SUDS3: variants seen among roughly 807,000 people sequenced by gnomAD.
SUDS3 encodes sin3 histone deacetylase corepressor complex component SDS3.
SUDS3 carries 23 observed loss-of-function variants against 53.5 expected under a neutral mutation model. The ratio of observed to expected loss-of-function variants is 0.43; its 90% CI spans 0.31 to 0.61. SUDS3 has a LOEUF of 0.61. Ranked by LOEUF, SUDS3 falls within the 20% of genes least tolerant of loss-of-function variation. The probability of loss-of-function intolerance (pLI) is 0.10; values close to 1 mark genes in which losing one functional copy is unlikely to be tolerated. For synonymous variants in SUDS3, 150 were observed against 148.5 expected (o/e 1.01, Z -0.08); for missense variants, 291 against 405.9 (o/e 0.72, Z 2.43).
At chr12:118,381,477 G>C (rs183577337) in intron 2 of SUDS3, among the ~76,000 whole-genome samples, 1 of 152,086 alleles carries the variant, frequency 6.6e-6, no homozygotes, top group East Asian at 1.9e-4. Context: ...CTGCCTCCTG[G>C]GCTCAAGCAA....
intron 2 of SUDS3, among the ~76,000 whole-genome samples, chr12:118,382,130 C>G (rs1479255418): frequency 1.3e-5 from 2 of 152,048 alleles, no homozygotes; most frequent in Non-Finnish European, 2.9e-5. Context: ...ACCTCCACCT[C>G]CTGAGTTCGA....
chr12:118,391,510 C>A (rs1355907043), intron 6 of SUDS3, among the ~76,000 whole-genome samples: 1 of 152,188 alleles, frequency 6.6e-6, no homozygotes, highest in African/African-American at 2.4e-5. Flanking sequence ...TACCCTCTCA[C>A]AGGATTGTGG....
chr12:118,378,277 A>G (rs1244897707), intron 1 of SUDS3, among the ~76,000 whole-genome samples: 1 of 152,106 alleles, frequency 6.6e-6, no homozygotes, highest in East Asian at 1.9e-4. Context: ...TTTGTGTCAG[A>G]TTCCCCTTTT....
rs988586329 is a variant in SUDS3 at position 118,400,662 on chromosome 12, C to G, written c.521C>G (p.Ser174Cys). 4.3e-6 allele frequency: 7 copies of G among 1,613,880 alleles called. No individual in the cohort carries two copies. The highest frequency in any genetic ancestry group is 5.9e-6 in the Non-Finnish European group (7 of 1,179,812). ...ACCCATTCCATTCTTGCCACAGATT[C>G]TATGGAGGTGAAACCTATCATGACC... ...EKLTMELTGD[S>C]MEVKPIMTRK... Residue 174 changes from serine to cysteine, a missense_variant, in exon 7 of 12, where the codon TCT (serine) becomes TGT (cysteine). This residue lies in a region of SUDS3 where 55 missense variants were observed against 124.2 expected (regional missense o/e 0.44). Transcript: ENST00000543473.
Position 118,401,834 on chromosome 12 carries a change from T to C in SUDS3, c.675+14T>C. ...ACATTAAATAAGGTACGGTTTGACT[T>C]TTTTGATTTATTTGAAAACTCAGGC... is the stretch of plus-strand genomic sequence containing the variant. On this transcript the variant is annotated intron_variant, in intron 8 of 11. Transcript: ENST00000543473. 2 of 1,613,064 alleles carry C rather than the reference T, an allele frequency of 1.2e-6. No homozygotes were observed. The highest frequency in any genetic ancestry group is 1.7e-6 in the Non-Finnish European group (2 of 1,179,204).
chr12:118,411,033 G>A (rs1438775838), intron 10 of SUDS3, 40 bp from the exon 11 acceptor site: 4 of 1,535,006 alleles, frequency 2.6e-6, no homozygotes, highest in African/African-American at 1.4e-5. Context: ...TCCTGTCTCT[G>A]TCCCTCCCTT....
chr12:118,378,072 T>G (rs771965091), intron 1 of SUDS3, among the ~76,000 whole-genome samples: 5 of 152,222 alleles, frequency 3.3e-5, no homozygotes, highest in Non-Finnish European at 7.3e-5. Flanking sequence ...GCACTTCATC[T>G]CATACCCACG....
intron 4 of SUDS3, among the ~76,000 whole-genome samples, chr12:118,388,768 GC>G (rs1229513501): frequency 6.6e-6 from 1 of 152,172 alleles, no homozygotes; most frequent in Non-Finnish European, 1.5e-5. Flanking sequence ...TGACAGTGAA[GC>G]CCCAGGTGTC....
intron 10 of SUDS3, among the ~76,000 whole-genome samples, chr12:118,409,235 C>T (rs1335871854): frequency 1.3e-5 from 2 of 151,884 alleles, no homozygotes; most frequent in Admixed American, 6.6e-5. Flanking sequence ...GCAAGCTCCG[C>T]CTCCGGGGTC....
intron 10 of SUDS3, among the ~76,000 whole-genome samples, chr12:118,408,335 GTTT>G (rs1007287804): frequency 7.7e-6 from 1 of 130,092 alleles, no homozygotes; most frequent in Admixed American, 7.7e-5. Flanking sequence ...TACCTGGCCA[GTTT>G]TTTTTTTTTT....
chr12:118,407,809 C>T (rs1406769029), intron 10 of SUDS3, among the ~76,000 whole-genome samples: 2 of 151,722 alleles, frequency 1.3e-5, no homozygotes, highest in Non-Finnish European at 2.9e-5. Context: ...GACTCCGCCT[C>T]CCAGGTTCAA....
At chr12:118,402,193 C>G (rs1014643739) in intron 9 of SUDS3, 189 bp downstream of exon 9, 1 of 586,372 alleles carries the variant, frequency 1.7e-6, no homozygotes, top group Non-Finnish European at 3.0e-6. Flanking sequence ...TTTTTCATAA[C>G]CCCTGCTTTG....
chr12:118,406,127 AATG>A (rs1369724849), intron 10 of SUDS3, among the ~76,000 whole-genome samples: 2 of 152,210 alleles, frequency 1.3e-5, no homozygotes, highest in African/African-American at 4.8e-5. Flanking sequence ...GATTTGGACT[AATG>A]ATCTCTCAAA....
intron 7 of SUDS3, among the ~76,000 whole-genome samples, chr12:118,400,966 T>C (rs1230035789): frequency 6.6e-6 from 1 of 152,180 alleles, no homozygotes; most frequent in African/African-American, 2.4e-5. Context: ...GGGAGAGATG[T>C]ATAGAGTTGT....
intron 4 of SUDS3, among the ~76,000 whole-genome samples, chr12:118,389,239 C>G (rs190363054): frequency 6.6e-6 from 1 of 152,140 alleles, no homozygotes; most frequent in Non-Finnish European, 1.5e-5. Flanking sequence ...CGCCTGCCCC[C>G]CTACCCTGCC....
intron 6 of SUDS3, among the ~76,000 whole-genome samples, chr12:118,392,015 A>G (rs1323054063): frequency 6.6e-6 from 1 of 152,054 alleles, no homozygotes; most frequent in East Asian, 1.9e-4. Context: ...ATATGGGCCA[A>G]CTCTTCTGTT....
rs1291206749 is a variant in SUDS3 at position 118,403,404 on chromosome 12, T to A, written c.698-8T>A. ...ATTCTTAGTCACGTAAGTATTGGTT[T>A]CCTCCAGCATCTCCATCCTCTCCTG... On this transcript the variant is annotated splice_region_variant and splice_polypyrimidine_tract_variant and intron_variant, in intron 9 of 11. Transcript: ENST00000543473. The A allele has an allele frequency of 6.2e-7, 1 of 1,611,110 alleles. No individual in the cohort carries two copies. The highest frequency in any genetic ancestry group is 8.5e-7 in the Non-Finnish European group (1 of 1,178,338).
chr12:118,412,807 T>C (rs1263773885), intron 11 of SUDS3, among the ~76,000 whole-genome samples: 4 of 152,164 alleles, frequency 2.6e-5, no homozygotes. Context: ...CATAATAGAG[T>C]GTCAGTGAGA....
At chr12:118,411,579 C>G (rs1346053403) in intron 11 of SUDS3, among the ~76,000 whole-genome samples, 1 of 152,078 alleles carries the variant, frequency 6.6e-6, no homozygotes, top group Non-Finnish European at 1.5e-5. Context: ...CTCACTGCAA[C>G]TTCCACCTCC....
Sources: allele counts gnomAD v4.1 joint callset (sites outside exome capture counted in the v4.1 genomes callset), GRCh38; gene constraint gnomAD v4.1.1; regional missense constraint gnomAD v4.1.1; transcripts MANE v1.5; gene names NCBI Gene and HGNC (gene_info 2026-07-23, HGNC 2026-07-21).